GABRA5: variants seen among roughly 807,000 people sequenced by gnomAD.
The protein encoded by GABRA5 is gamma-aminobutyric acid receptor subunit alpha-5.
A neutral mutation model predicts 47.3 loss-of-function variants in GABRA5; 18 were observed. The ratio of observed to expected loss-of-function variants is 0.38; its 90% CI spans 0.26 to 0.56. GABRA5 has a LOEUF of 0.56. GABRA5 is among the 20% of genes least tolerant of loss of function. GABRA5 has a pLI of 0.71. For missense variants in GABRA5, 365 were observed against 599.3 expected (o/e 0.61, Z 4.08); for synonymous variants, 237 against 229.3 (o/e 1.03, Z -0.30).
At chr15:26,882,889 C>T (rs555640861) in intron 4 of GABRA5, among the ~76,000 whole-genome samples, 17 of 152,238 alleles carry the variant, frequency 1.1e-4, no homozygotes, top group Admixed American at 1.3e-4. Context: ...GGCCCCACGG[C>T]GAGGCCTCAG....
rs1298748437 is a variant in GABRA5 at position 26,867,387 on chromosome 15, G to A, written c.-140+276G>A. 6.6e-6 allele frequency: 1 copy of A among 151,926 alleles called. No homozygotes were observed. The highest frequency in any genetic ancestry group is 1.5e-5 in the Non-Finnish European group (1 of 67,992). The allele number at this position is 151,926 out of a possible 1,614,324, so 9.4% of individuals were successfully genotyped here. On this transcript the variant is annotated intron_variant, in intron 1 of 10. Transcript: ENST00000335625. This position sits in a 1 kb window ranked among gnomAD's most constrained non-coding sequence, Gnocchi z 5.9. ...GCCTCCCGGGGCCGGCGCGCAGGGT[G>A]AGCCCTGGGCGCGCTGGGCCGGGGC... is the stretch of plus-strand genomic sequence containing the variant.
intron 6 of GABRA5, among the ~76,000 whole-genome samples, chr15:26,909,312 C>G (rs1893522355): frequency 6.6e-6 from 1 of 152,180 alleles, no homozygotes; most frequent in African/African-American, 2.4e-5. Context: ...ACCCAGATAA[C>G]CCAGGAAAAC....
At chr15:26,894,052 C>CCCCTGTGCTCCCCAGACG (rs1893110630) in intron 6 of GABRA5, among the ~76,000 whole-genome samples, 1 of 100,132 alleles carries the variant, frequency 1.0e-5, no homozygotes, top group African/African-American at 3.4e-5. Flanking sequence ...CTCCGCGCGC[C>CCCCTGTGCTCCCCAGACG]CCCTGTGCTC....
intron 6 of GABRA5, among the ~76,000 whole-genome samples, chr15:26,904,604 T>A (rs1893399781): frequency 2.0e-5 from 3 of 152,188 alleles, no homozygotes; most frequent in Admixed American, 6.5e-5. Context: ...GAGCATGGAA[T>A]GTTTTTCCAT....
At chr15:26,890,481 A>G (rs1294010539) in intron 6 of GABRA5, among the ~76,000 whole-genome samples, 1 of 128,886 alleles carries the variant, frequency 7.8e-6, no homozygotes, top group Admixed American at 8.7e-5. Flanking sequence ...CCTTGTCCTG[A>G]TTTAACTTGA....
At chr15:26,944,997 G>A (rs1894477153) in intron 10 of GABRA5, among the ~76,000 whole-genome samples, 1 of 152,210 alleles carries the variant, frequency 6.6e-6, no homozygotes, top group Non-Finnish European at 1.5e-5. Context: ...GCCTCCTGTG[G>A]CGGCTGATCT....
intron 3 of GABRA5, among the ~76,000 whole-genome samples, chr15:26,874,483 G>T (rs1892546310): frequency 2.0e-5 from 3 of 152,146 alleles, no homozygotes; most frequent in African/African-American, 7.2e-5. Context: ...CTCCACTGCA[G>T]GGCCTGCTCC....
upstream of GABRA5, chr15:26,866,902 C>G (rs1326110646): frequency 1.3e-5 from 2 of 152,202 alleles, no homozygotes; most frequent in African/African-American, 4.8e-5. Context: ...GGTGACTACA[C>G]GAGGCGCCGA....
At chr15:26,881,932 G>A (rs887296801) in intron 4 of GABRA5, among the ~76,000 whole-genome samples, 9 of 152,072 alleles carry the variant, frequency 5.9e-5, no homozygotes, top group African/African-American at 2.2e-4. Flanking sequence ...ACTCCAGACC[G>A]CAGGCGATCC....
intron 4 of GABRA5, among the ~76,000 whole-genome samples, chr15:26,881,374 C>T (rs1269670569): frequency 1.3e-5 from 2 of 152,156 alleles, no homozygotes; most frequent in Admixed American, 6.5e-5. Context: ...TGTATCTATG[C>T]GAGTCCTTTT....
intron 6 of GABRA5, among the ~76,000 whole-genome samples, chr15:26,893,589 T>C (rs1249952184): frequency 2.0e-5 from 3 of 151,912 alleles, no homozygotes; most frequent in Non-Finnish European, 4.4e-5. Flanking sequence ...TTCCTCTGCC[T>C]CGTGTCCTTC....
At chr15:26,871,054 C>T (rs1045868300) in intron 3 of GABRA5, among the ~76,000 whole-genome samples, 3 of 152,070 alleles carry the variant, frequency 2.0e-5, no homozygotes, top group Non-Finnish European at 2.9e-5. Context: ...ATTAGCCAGG[C>T]CTGGTGGCAC....
rs1472535508 is a variant in GABRA5 at position 26,883,354 on chromosome 15, G to C, written c.294G>C (p.Val98=). The change falls in exon 6 of 11, where the codon GTG becomes GTC. Residue 98 remains valine, a synonymous_variant. Transcript: ENST00000335625. This position sits in a 1 kb window ranked among gnomAD's most constrained non-coding sequence, Gnocchi z 4.8. The stretch of plus-strand genomic sequence containing the variant: ...TCCACTAGGAGTACACCATAGACGT[G>C]TTTTTCCGACAAAGCTGGAAAGATG... ...SDTEMEYTID[V]FFRQSWKDER... 1.2e-6 allele frequency: 2 copies of C among 1,613,894 alleles called. No individual in the cohort carries two copies. The highest frequency in any genetic ancestry group is 2.7e-5 in the African/African-American group (2 of 74,922).
intron 7 of GABRA5, among the ~76,000 whole-genome samples, chr15:26,935,619 G>C (rs142108549): frequency 6.6e-6 from 1 of 152,190 alleles, no homozygotes; most frequent in Non-Finnish European, 1.5e-5. Flanking sequence ...TCCCCAGTCC[G>C]ATTGAGGAAA....
Position 26,948,170 on chromosome 15 carries a change from A to C in GABRA5, c.1326A>C (p.Leu442Phe). 3.1e-6 allele frequency: 5 copies of C among 1,613,902 alleles called. No homozygotes were observed. Among genetic ancestry groups the C allele is most frequent in the Non-Finnish European group, 4.2e-6 (5 of 1,179,866 alleles). ...CAGTCTTGTTCGGCACTTTCAACTT[A>C]GTTTACTGGGCAACGTATTTGAATA... ...VFPVLFGTFN[L>F]VYWATYLNRE... Residue 442 changes from leucine to phenylalanine, a missense_variant, in exon 11 of 11, where the codon TTA (leucine) becomes TTC (phenylalanine). Physicochemically the swap from Leu to Phe is conservative, Grantham distance 22. Around this residue, in one of 3 missense-constraint regions of GABRA5, gnomAD observed 106 missense variants for 130.3 expected, o/e 0.81. Transcript: ENST00000335625.
chr15:26,886,284 T>A (rs1363317085), intron 6 of GABRA5, among the ~76,000 whole-genome samples: 1 of 152,104 alleles, frequency 6.6e-6, no homozygotes, highest in Non-Finnish European at 1.5e-5. Flanking sequence ...CCTCCCAAAG[T>A]GCTGGGATTA....
In GABRA5 at chr15:26,937,322, A is replaced by G; in HGVS notation, c.718A>G (p.Ser240Gly). The G allele has an allele frequency of 1.2e-6, 2 of 1,609,842 alleles. No individual in the cohort carries two copies. Among genetic ancestry groups the G allele is most frequent in the East Asian group, 2.2e-5 (1 of 44,804 alleles). ...QTVGTENIST[S>G]TGEYTIMTAH... is the part of the protein sequence containing the mutation. The stretch of plus-strand genomic sequence containing the variant: ...GGTGGGCACTGAGAACATCAGCACC[A>G]GCACAGGTGAGGGCTCGGCACGCGC... The change falls in exon 8 of 11, where the codon AGC becomes GGC. Residue 240 changes from serine (S) to glycine (G), a missense_variant. Physicochemically the swap from Ser to Gly is moderately conservative, Grantham distance 56. Around this residue, in one of 3 missense-constraint regions of GABRA5, gnomAD observed 216 missense variants for 335.3 expected, o/e 0.64. Transcript: ENST00000335625.
In GABRA5 at chr15:26,880,713, C is replaced by T. The variant is rs1367776041; in HGVS notation, c.87-133C>T. On this transcript the variant is annotated intron_variant, in intron 3 of 10. Coordinates refer to ENST00000335625, the MANE Select transcript of GABRA5 (RefSeq NM_000810.4). ...TCAAGGCCAAACAATCCCCTAGGCACTATGGGAGCTGTGTTCTCAGATCCT... is the reference window on the plus strand; with the variant it reads ...TCAAGGCCAAACAATCCCCTAGGCATTATGGGAGCTGTGTTCTCAGATCCT... 13 of 832,810 alleles carry T rather than the reference C, an allele frequency of 1.6e-5. No homozygotes were observed. The East Asian group carries it at 3.2e-4, about 21-fold the overall frequency. 51.6% of individuals were successfully genotyped at this position (832,810 alleles called of 1,614,324 possible). A position where few individuals can be genotyped will look rare whatever the true frequency, so the allele number is the denominator to read the frequency against.
rs1009695226 is a variant in GABRA5 at position 26,910,470 on chromosome 15, G to T, written c.498-4333G>T. On this transcript the variant is annotated intron_variant, in intron 6 of 10. Coordinates refer to ENST00000335625, the MANE Select transcript of GABRA5 (RefSeq NM_000810.4). ...CAAAAATTAGGTGGGCGTGATTGCG[G>T]ACACCTGTAATCCCAGCTACTCTGG... Among the ~76,000 whole-genome samples, 9 of 151,864 alleles carry T rather than the reference G, an allele frequency of 5.9e-5. 1 individual carries two copies. The highest frequency in any genetic ancestry group is 5.9e-4 in the Admixed American group (9 of 15,238).
Sources: allele counts gnomAD v4.1 joint callset (sites outside exome capture counted in the v4.1 genomes callset), GRCh38; gene constraint gnomAD v4.1.1; regional missense constraint gnomAD v4.1.1; non-coding constraint Gnocchi (gnomAD v3.1); transcripts MANE v1.5; gene names NCBI Gene and HGNC (gene_info 2026-07-23, HGNC 2026-07-21).